USH2A: variants seen among roughly 807,000 people sequenced by gnomAD.
USH2A encodes Usher syndrome 2A (autosomal recessive, mild).
A neutral mutation model predicts 538.9 loss-of-function variants in USH2A; 443 were observed. The observed-to-expected ratio is 0.82, with a 90% CI of 0.76 to 0.89. USH2A has a LOEUF of 0.89. USH2A is among the 40% of genes least tolerant of loss of function. The probability of loss-of-function intolerance (pLI) is 0.00; values close to 1 mark genes in which losing one functional copy is unlikely to be tolerated. For synonymous variants in USH2A, 2,413 were observed against 2,273.5 expected (o/e 1.06, Z -1.75); for missense variants, 6,633 against 6,324.8 (o/e 1.05, Z -1.65).
chr1:216,415,455 T>C (rs2039560101), intron 3 of USH2A, among the ~76,000 whole-genome samples: 1 of 151,288 alleles, frequency 6.6e-6, no homozygotes, highest in Non-Finnish European at 1.5e-5. Flanking sequence ...GACTACAGAG[T>C]AGCATAACCT....
At chr1:215,986,339 G>T (rs1251129588) in intron 35 of USH2A, among the ~76,000 whole-genome samples, 1 of 146,896 alleles carries the variant, frequency 6.8e-6, no homozygotes, top group Non-Finnish European at 1.5e-5. Context: ...TAGAGACAGG[G>T]TTTCATCATG....
intron 3 of USH2A, among the ~76,000 whole-genome samples, chr1:216,368,227 G>C (rs1431572753): frequency 6.7e-6 from 1 of 149,524 alleles, no homozygotes; most frequent in Non-Finnish European, 1.5e-5. Context: ...TTTTTAAGTA[G>C]AATTCTTGAC....
chr1:216,051,822 A>C (rs1225120302), intron 30 of USH2A, among the ~76,000 whole-genome samples: 1 of 152,240 alleles, frequency 6.6e-6, no homozygotes, highest in Non-Finnish European at 1.5e-5. Context: ...ATATAAAAGC[A>C]GCTCTATGAT....
rs184681219 is a variant in USH2A at position 216,293,118 on chromosome 1, G to A, written c.1645-748C>T. Among the ~76,000 whole-genome samples the A allele has an allele frequency of 7.3e-4, 110 of 149,876 alleles. 2 individuals are homozygous for A. Among genetic ancestry groups the A allele is most frequent in the African/African-American group, 2.4e-3 (99 of 40,594 alleles). Reference sequence around the variant, plus strand: ...CTGCCCACTGCAAGCTCCGCCTCACGGGTTCAAGCGATTCTCCCGCCTCAG... The same window carrying A: ...CTGCCCACTGCAAGCTCCGCCTCACAGGTTCAAGCGATTCTCCCGCCTCAG... On this transcript the variant is annotated intron_variant, in intron 9 of 71. Transcript: ENST00000307340.
chr1:216,299,375 T>G (rs2037170266), intron 9 of USH2A, among the ~76,000 whole-genome samples: 1 of 152,090 alleles, frequency 6.6e-6, no homozygotes. Flanking sequence ...TATAATCCTC[T>G]ATTCTAGATA....
In USH2A at chr1:216,030,102, TATATA is replaced by T. The variant is rs1213199929; in HGVS notation, c.6325+16324_6325+16328del. On this transcript the variant is annotated intron_variant, in intron 32 of 71. Coordinates refer to ENST00000307340, the MANE Select transcript of USH2A (RefSeq NM_206933.4). ...TGATATATATGATATACATCACAGA[TATATA>T]ATATATGGTATATATGATATACATA... Among the ~76,000 whole-genome samples, 143 of 145,536 alleles carry T rather than the reference TATATA, an allele frequency of 9.8e-4. 1 individual carries two copies. Among genetic ancestry groups the T allele is most frequent in the East Asian group, 2.4e-3 (12 of 5,102 alleles).
intron 30 of USH2A, among the ~76,000 whole-genome samples, chr1:216,066,354 T>G (rs2031369569): frequency 6.6e-6 from 1 of 152,040 alleles, no homozygotes; most frequent in Admixed American, 6.6e-5. Flanking sequence ...TAGTCCCAGC[T>G]ACTGGGGAGG....
rs1661936598 is a variant in USH2A at position 215,790,046 on chromosome 1, T to C, written c.10182+13A>G. The C allele has an allele frequency of 6.2e-7, 1 of 1,612,008 alleles. No individual in the cohort carries two copies. The highest frequency in any genetic ancestry group is 8.5e-7 in the Non-Finnish European group (1 of 1,179,572). On this transcript the variant is annotated intron_variant, in intron 51 of 71. Coordinates refer to ENST00000307340, the MANE Select transcript of USH2A (RefSeq NM_206933.4). Reference sequence around the variant, plus strand: ...GTCAAATCAGCGCCTCCGAGAGCTTTTCTATCAATTACCTTCATCATCATT... The same window carrying C: ...GTCAAATCAGCGCCTCCGAGAGCTTCTCTATCAATTACCTTCATCATCATT...
At chr1:215,648,320 T>C (rs1656926074) in intron 66 of USH2A, among the ~76,000 whole-genome samples, 1 of 152,248 alleles carries the variant, frequency 6.6e-6, no homozygotes, top group Admixed American at 6.5e-5. Context: ...GCTTTTATGA[T>C]TTAAATACAT....
At chr1:215,660,619 G>A (rs943214755) in intron 64 of USH2A, among the ~76,000 whole-genome samples, 5 of 152,146 alleles carry the variant, frequency 3.3e-5, no homozygotes, top group Admixed American at 2.0e-4. Flanking sequence ...AATGAAATTT[G>A]TTAATTGGAT....
chr1:215,996,404 G>A (rs1235026575), intron 34 of USH2A, among the ~76,000 whole-genome samples: 2 of 152,098 alleles, frequency 1.3e-5, no homozygotes, highest in Non-Finnish European at 2.9e-5. Context: ...CAAATGGCTA[G>A]CAGTGGTATG....
intron 4 of USH2A, among the ~76,000 whole-genome samples, chr1:216,336,396 C>T (rs1414295054): frequency 6.6e-6 from 1 of 150,912 alleles, no homozygotes; most frequent in Non-Finnish European, 1.5e-5. Flanking sequence ...CTGTAGTTAC[C>T]AGACAGGGCA....
intron 35 of USH2A, among the ~76,000 whole-genome samples, chr1:215,977,217 A>C (rs1395554842): frequency 6.6e-6 from 1 of 152,122 alleles, no homozygotes; most frequent in Non-Finnish European, 1.5e-5. Context: ...TCAGTAATAA[A>C]AAAAATCTTT....
chr1:215,719,152 C>CTG lies in USH2A; in HGVS notation c.12066+8876_12066+8877dup, dbSNP rs907122411. On this transcript the variant is annotated intron_variant, in intron 61 of 71. Transcript: ENST00000307340. ...ATTTGAGAAGTGTGAGAGTGTGTGT[C>CTG]TGTGTGTGTGTGTGACTAAAATACC... Among the ~76,000 whole-genome samples, 25 of 151,280 alleles carry CTG rather than the reference C, an allele frequency of 1.7e-4. 1 individual carries two copies. Among genetic ancestry groups the CTG allele is most frequent in the East Asian group, 7.8e-4 (4 of 5,144 alleles).
chr1:215,630,480 GTGTATATATATATATATATATATATATA>G (rs1225151196), intron 70 of USH2A, among the ~76,000 whole-genome samples: 14 of 105,924 alleles, frequency 1.3e-4, no homozygotes, highest in Non-Finnish European at 1.8e-4. Flanking sequence ...GTATGTGTGT[GTGTATATATATATATATATATATATATA>G]TATATATATA....
chr1:216,148,426 C>G (rs1225628294), intron 21 of USH2A, among the ~76,000 whole-genome samples: 1 of 152,048 alleles, frequency 6.6e-6, no homozygotes, highest in African/African-American at 2.4e-5. Context: ...TTCTATCCCC[C>G]CACCTTAACT....
intron 32 of USH2A, among the ~76,000 whole-genome samples, chr1:216,009,685 C>G (rs1668496883): frequency 6.6e-6 from 1 of 152,074 alleles, no homozygotes; most frequent in South Asian, 2.1e-4. Flanking sequence ...CCTCCCCAGA[C>G]TGCTCCTCGC....
chr1:216,059,580 T>C (rs541382322), intron 30 of USH2A, among the ~76,000 whole-genome samples: 1 of 152,340 alleles, frequency 6.6e-6, no homozygotes, highest in South Asian at 2.1e-4. Context: ...GCTTTTTTAC[T>C]TTTTCCTCCA....
At chr1:215,920,082 T>A (rs1429680481) in intron 38 of USH2A, among the ~76,000 whole-genome samples, 3 of 73,414 alleles carry the variant, frequency 4.1e-5, no homozygotes, top group African/African-American at 1.6e-4. Context: ...CTTTGATAAA[T>A]GAGAAAAAAA....
Sources: gnomAD v4.1 joint callset for allele counts (sites outside exome capture counted in the v4.1 genomes callset) on GRCh38, gnomAD v4.1.1 for gene constraint, MANE v1.5 for transcripts, NCBI Gene and HGNC (gene_info 2026-07-23, HGNC 2026-07-21) for gene names.